CERS6: variants seen among roughly 807,000 people sequenced by gnomAD.
CERS6 encodes the protein LAG1 homolog, ceramide synthase 6.
A neutral mutation model predicts 56.8 loss-of-function variants in CERS6; 26 were observed. The ratio of observed to expected loss-of-function variants is 0.46; its 90% CI spans 0.34 to 0.63. The LOEUF (loss-of-function observed/expected upper bound fraction) is 0.63, where lower values mean the gene tolerates loss of function less well. Ranked by LOEUF, CERS6 falls within the 30% of genes least tolerant of loss-of-function variation. The pLI is 0.01. For synonymous variants in CERS6, 164 were observed against 173.3 expected (o/e 0.95, Z 0.42); for missense variants, 415 against 467.5 (o/e 0.89, Z 1.04).
intron 2 of CERS6, among the ~76,000 whole-genome samples, chr2:168,554,188 T>C (rs1449960592): frequency 2.0e-5 from 3 of 152,176 alleles, no homozygotes; most frequent in Non-Finnish European, 4.4e-5. Flanking sequence ...GAAATGTTTT[T>C]TAAAATCATC....
At chr2:168,551,226 T>G (rs529623930) in intron 2 of CERS6, among the ~76,000 whole-genome samples, 9 of 152,320 alleles carry the variant, frequency 5.9e-5, no homozygotes, top group African/African-American at 2.2e-4. Context: ...GCTGAAAAAT[T>G]TGAACCCTTA....
intron 1 of CERS6, among the ~76,000 whole-genome samples, chr2:168,521,828 A>G (rs1558982578): frequency 1.3e-5 from 2 of 152,228 alleles, no homozygotes; most frequent in Non-Finnish European, 2.9e-5. Flanking sequence ...TAGAAATGGA[A>G]TAGCCTTTAG....
Position 168,659,966 on chromosome 2 carries a change from A to C in CERS6, c.465+28924A>C, listed in dbSNP as rs138736938. Among the ~76,000 whole-genome samples the C allele has an allele frequency of 4.6e-5, 7 of 152,354 alleles. No individual in the cohort carries two copies. In the East Asian group the frequency reaches 7.7e-4, roughly 17 times the overall value. The stretch of plus-strand genomic sequence containing the variant: ...CAAGAAAACAGATTATTTTATACTA[A>C]AGAGAGGAGAAAATTCAAATGGAAT... On this transcript the variant is annotated intron_variant, in intron 4 of 9. Transcript: ENST00000305747.
At chr2:168,769,107 G>A (rs566109552) in intron 9 of CERS6, among the ~76,000 whole-genome samples, 1 of 151,782 alleles carries the variant, frequency 6.6e-6, no homozygotes, top group Non-Finnish European at 1.5e-5. Context: ...ATGGTTAATT[G>A]AGAGCTGATT....
chr2:168,705,650 C>T (rs1426427027), intron 6 of CERS6, among the ~76,000 whole-genome samples: 1 of 152,090 alleles, frequency 6.6e-6, no homozygotes, highest in Non-Finnish European at 1.5e-5. Context: ...AAATTGAGTC[C>T]CTGGTTACCC....
At chr2:168,750,329 AATTATAG>A (rs1684226281) in intron 8 of CERS6, among the ~76,000 whole-genome samples, 1 of 46,052 alleles carries the variant, frequency 2.2e-5, no homozygotes, top group Admixed American at 3.3e-4. Context: ...CATACATGTT[AATTATAG>A]TTAAATACTC....
intron 3 of CERS6, among the ~76,000 whole-genome samples, chr2:168,567,553 C>T (rs944483302): frequency 2.0e-5 from 3 of 152,244 alleles, no homozygotes; most frequent in Non-Finnish European, 4.4e-5. Context: ...TTAAAAAATA[C>T]ATTACAAAAA....
At chr2:168,536,828 C>T (rs771452070) in intron 1 of CERS6, among the ~76,000 whole-genome samples, 70 of 152,100 alleles carry the variant, frequency 4.6e-4, no homozygotes, top group East Asian at 9.7e-4. Context: ...GCATTCCTTG[C>T]GATTTTTAAT....
chr2:168,655,702 C>T (rs1259711094), intron 4 of CERS6, among the ~76,000 whole-genome samples: 1 of 152,032 alleles, frequency 6.6e-6, no homozygotes, highest in African/African-American at 2.4e-5. Context: ...AAAACAGCAG[C>T]GGGTAGGTGG....
chr2:168,633,737 G>A (rs965514834), intron 4 of CERS6, among the ~76,000 whole-genome samples: 2 of 152,164 alleles, frequency 1.3e-5, no homozygotes, highest in African/African-American at 4.8e-5. Context: ...AATTAAAGAT[G>A]CTGCATCAGA....
At chr2:168,680,138 A>T (rs983252441) in intron 4 of CERS6, among the ~76,000 whole-genome samples, 6 of 152,236 alleles carry the variant, frequency 3.9e-5, no homozygotes, top group Non-Finnish European at 8.8e-5. Flanking sequence ...ATTGGGCAAG[A>T]GGCAGAAAGA....
At chr2:168,725,264 C>G (rs1683317881) in intron 8 of CERS6, among the ~76,000 whole-genome samples, 2 of 152,376 alleles carry the variant, frequency 1.3e-5, no homozygotes, top group South Asian at 2.1e-4. Flanking sequence ...AGCCCTGGTT[C>G]CCACTCATGC....
At chr2:168,765,398 A>G (rs1684703067) in intron 8 of CERS6, among the ~76,000 whole-genome samples, 194 bp from the exon 9 acceptor site, 1 of 152,242 alleles carries the variant, frequency 6.6e-6, no homozygotes, top group Non-Finnish European at 1.5e-5. Context: ...CCTAAAACCA[A>G]ATGAAAGTCA....
At chr2:168,552,203 T>A (rs185336465) in intron 2 of CERS6, among the ~76,000 whole-genome samples, 35 of 152,266 alleles carry the variant, frequency 2.3e-4, no homozygotes, top group Non-Finnish European at 1.5e-5. Flanking sequence ...AGATTAATGT[T>A]ATTAATATTA....
At chr2:168,748,589 T>A (rs1319368906) in intron 8 of CERS6, among the ~76,000 whole-genome samples, 1 of 152,172 alleles carries the variant, frequency 6.6e-6, no homozygotes, top group Admixed American at 6.5e-5. Context: ...GGGGACTGCT[T>A]CAGTCAAATT....
rs973693895 is a variant in CERS6 at position 168,772,525 on chromosome 2, C to G, written c.*2863C>G. ...CACTCACCAGGTACAATAGAAACTT[C>G]CCTCCTTGTTTGTCAGCCTCCTGTT... is the stretch of plus-strand genomic sequence containing the variant. On this transcript the variant is annotated 3_prime_UTR_variant, in exon 10 of 10. Coordinates refer to ENST00000305747, the MANE Select transcript of CERS6 (RefSeq NM_203463.3). The G allele has an allele frequency of 2.0e-5, 3 of 152,628 alleles. No individual in the cohort carries two copies. The highest frequency in any genetic ancestry group is 1.3e-4 in the Admixed American group (2 of 15,280). 9.5% of individuals were successfully genotyped at this position (152,628 alleles called of 1,614,324 possible).
chr2:168,517,078 T>G lies in CERS6; in HGVS notation c.171-30518T>G, dbSNP rs1214267098. ...TTGTAGAAAAGAGGAACACCTGATTTGGAAGAGTCTTATAGGAGCCCAAAT... is the reference window on the plus strand; with the variant it reads ...TTGTAGAAAAGAGGAACACCTGATTGGGAAGAGTCTTATAGGAGCCCAAAT... On this transcript the variant is annotated intron_variant, in intron 1 of 9. Transcript: ENST00000305747. Among the ~76,000 whole-genome samples, 18 of 152,194 alleles carry G rather than the reference T, an allele frequency of 1.2e-4. No individual in the cohort carries two copies. The East Asian group carries it at 3.3e-3, about 28-fold the overall frequency.
At chr2:168,581,584 T>C (rs929959055) in intron 3 of CERS6, among the ~76,000 whole-genome samples, 4 of 152,142 alleles carry the variant, frequency 2.6e-5, no homozygotes, top group African/African-American at 9.7e-5. Context: ...CCTTCTAGTT[T>C]TTAGTTTGGT....
chr2:168,546,995 G>A (rs778358324), intron 1 of CERS6, among the ~76,000 whole-genome samples: 1 of 152,116 alleles, frequency 6.6e-6, no homozygotes, highest in Non-Finnish European at 1.5e-5. Flanking sequence ...AAACACTTGC[G>A]ACTTTTCATC....
Sources: allele counts gnomAD v4.1 joint callset (sites outside exome capture counted in the v4.1 genomes callset), GRCh38; gene constraint gnomAD v4.1.1; transcripts MANE v1.5; gene names NCBI Gene and HGNC (gene_info 2026-07-23, HGNC 2026-07-21).